Variants in TTC17 observed in about 807,000 individuals in gnomAD.
The protein encoded by TTC17 is tetratricopeptide repeat domain 17, also known as tetratricopeptide repeat protein 17.
In TTC17, 58 loss-of-function variants were observed where a neutral mutation model predicts 143.8. The observed-to-expected ratio is 0.40, with a 90% CI of 0.33 to 0.50. TTC17 has a LOEUF of 0.50. Among genes scored for constraint, TTC17 ranks in the 20% least tolerant of loss-of-function variants. TTC17 has a pLI of 0.49. For missense variants in TTC17, 1,273 were observed against 1,392.5 expected (o/e 0.91, Z 1.37); for synonymous variants, 501 against 497.8 (o/e 1.01, Z -0.09).
chr11:43,378,985 G>A, intron 1 of TTC17: 1 of 426,900 alleles, frequency 2.3e-6, no homozygotes, highest in East Asian at 5.0e-5. Context: ...TATATCACCT[G>A]TAAAGTCAGA....
intron 1 of TTC17, among the ~76,000 whole-genome samples, chr11:43,374,209 C>G (rs1193077461): frequency 6.6e-6 from 1 of 152,188 alleles, no homozygotes; most frequent in African/African-American, 2.4e-5. Flanking sequence ...GCTGGGATGA[C>G]TGGCTAGCCA....
At chr11:43,464,057 C>T (rs940807772) in intron 21 of TTC17, among the ~76,000 whole-genome samples, 5 of 152,070 alleles carry the variant, frequency 3.3e-5, no homozygotes, top group African/African-American at 1.2e-4. Flanking sequence ...GGGTGGATCA[C>T]CTGAGGTCAG....
intron 1 of TTC17, 194 bp from the exon 2 acceptor site, chr11:43,379,039 G>T: frequency 1.8e-6 from 1 of 547,792 alleles, no homozygotes; most frequent in Non-Finnish European, 3.2e-6. Context: ...GAGTTCACAG[G>T]ACAACTGTTG....
intron 11 of TTC17, among the ~76,000 whole-genome samples, chr11:43,404,937 C>T (rs1229368441): frequency 6.6e-6 from 1 of 152,030 alleles, no homozygotes; most frequent in Non-Finnish European, 1.5e-5. Context: ...GTTTTATAGG[C>T]TTATGTATGC....
intron 15 of TTC17, among the ~76,000 whole-genome samples, chr11:43,414,378 A>T (rs1398990574): frequency 6.6e-6 from 1 of 152,128 alleles, no homozygotes; most frequent in Non-Finnish European, 1.5e-5. Context: ...TTTATATTAC[A>T]TACTTTATAT....
chr11:43,436,143 T>C, intron 16 of TTC17: 3 of 1,367,270 alleles, frequency 2.2e-6, no homozygotes, highest in Non-Finnish European at 2.8e-6. Context: ...ATGTGCTATA[T>C]CTGTGTCTCT....
rs200968365 is a variant in TTC17 at position 43,414,705 on chromosome 11, A to C, written c.2180A>C (p.Asn727Thr). The C allele has an allele frequency of 6.2e-7, 1 of 1,613,800 alleles. No homozygotes were observed. The stretch of plus-strand genomic sequence containing the variant: ...ACCACCAAATGTCCAGAGTGTGAAA[A>C]CAGCCTGAAGTTGATCCGCTGTATG... Reference protein sequence around the residue: ...KLTTKCPECENSLKLIRCMQF... With the variant: ...KLTTKCPECETSLKLIRCMQF... The change falls in exon 16 of 24, where the codon AAC becomes ACC. Residue 727 changes from asparagine (N) to threonine (T), a missense_variant. Physicochemically the swap from Asn to Thr is moderately conservative, Grantham distance 65. Transcript: ENST00000039989.
intron 21 of TTC17, among the ~76,000 whole-genome samples, chr11:43,471,369 C>T (rs1242653638): frequency 6.6e-6 from 1 of 152,252 alleles, no homozygotes; most frequent in Admixed American, 6.5e-5. Flanking sequence ...GCTCCACCCA[C>T]TTTGTCCTAT....
At chr11:43,411,571 T>G (rs1203526348) in intron 15 of TTC17, among the ~76,000 whole-genome samples, 1 of 152,218 alleles carries the variant, frequency 6.6e-6, no homozygotes, top group Non-Finnish European at 1.5e-5. Context: ...ATCCTCAATG[T>G]TCAAAACTAT....
At chr11:43,376,041 G>A (rs1307926987) in intron 1 of TTC17, among the ~76,000 whole-genome samples, 1 of 152,096 alleles carries the variant, frequency 6.6e-6, no homozygotes, top group Non-Finnish European at 1.5e-5. Context: ...TATATAATTG[G>A]ATACATGTAC....
At chr11:43,383,413 G>A (rs887071258) in intron 2 of TTC17, among the ~76,000 whole-genome samples, 28 of 152,072 alleles carry the variant, frequency 1.8e-4, no homozygotes, top group African/African-American at 5.3e-4. Context: ...GTGCGATGGC[G>A]CAATCTCAGC....
rs1947654169 is a variant in TTC17, at chr11:43,451,347, A to G, written c.3030+82A>G. ...AAGTTATTTGCTCCTAAGTGTCTGT[A>G]ACCTCTTCTGTTAGTTACTTAGCAC... On this transcript the variant is annotated intron_variant, in intron 21 of 23. Coordinates refer to ENST00000039989, the MANE Select transcript of TTC17 (RefSeq NM_018259.6). The G allele has an allele frequency of 1.1e-5, 14 of 1,233,738 alleles. No individual in the cohort carries two copies. The South Asian group carries it at 1.5e-4, about 13-fold the overall frequency. The allele number at this position is 1,233,738 out of a possible 1,614,324, so 76.4% of individuals were successfully genotyped here. A position where few individuals can be genotyped will look rare whatever the true frequency, so the allele number is the denominator to read the frequency against.
rs754348326 is a variant in TTC17, at chr11:43,391,888, T to C, written c.599T>C (p.Leu200Ser). The change falls in exon 5 of 24, where the codon TTA (leucine) becomes TCA (serine). Residue 200 changes from leucine to serine, a missense_variant. Around this residue, in one of 3 missense-constraint regions of TTC17, gnomAD observed 325 missense variants for 444.2 expected, o/e 0.73. Transcript: ENST00000039989. ...AAAGAAGACCCAATCTTCACATATTTATCTAAACGGTTAGGAAGGAGTATA... is the reference window on the plus strand; with the variant it reads ...AAAGAAGACCCAATCTTCACATATTCATCTAAACGGTTAGGAAGGAGTATA... ...LPKEDPIFTY[L>S]SKRLGRSIDD... 1 of 1,614,002 alleles carries C rather than the reference T, an allele frequency of 6.2e-7. No homozygotes were observed. The highest frequency in any genetic ancestry group is 1.1e-5 in the South Asian group (1 of 91,026).
At chr11:43,368,513 C>G (rs1315121689) in intron 1 of TTC17, among the ~76,000 whole-genome samples, 1 of 152,192 alleles carries the variant, frequency 6.6e-6, no homozygotes, top group Admixed American at 6.5e-5. Flanking sequence ...AGCCCTACTT[C>G]CAGAATGTTT....
At chr11:43,392,054 A>G in intron 5 of TTC17, 102 bp downstream of exon 5, 6 of 1,373,552 alleles carry the variant, frequency 4.4e-6, no homozygotes, top group Middle Eastern at 1.9e-4. Context: ...ATTTGTTTTT[A>G]TCTAGAAGAC....
chr11:43,431,390 C>T (rs921879005), intron 16 of TTC17, among the ~76,000 whole-genome samples: 3 of 152,198 alleles, frequency 2.0e-5, no homozygotes, highest in African/African-American at 7.2e-5. Flanking sequence ...CTCCCACCAA[C>T]AGTGTAAAAG....
chr11:43,379,593 T>G (rs1445815305), intron 2 of TTC17, among the ~76,000 whole-genome samples: 1 of 152,170 alleles, frequency 6.6e-6, no homozygotes, highest in African/African-American at 2.4e-5. Context: ...TGAACAGAAT[T>G]TCTGTGTTTT....
chr11:43,451,557 T>C (rs17509647), intron 21 of TTC17, among the ~76,000 whole-genome samples: 10,686 of 152,260 alleles, frequency 0.07, 566 homozygotes, highest in Non-Finnish European at 0.11. Flanking sequence ...AACCATGGAA[T>C]CTAGGTATAT....
intron 10 of TTC17, among the ~76,000 whole-genome samples, chr11:43,402,260 A>G (rs1401561157): frequency 1.1e-4 from 16 of 152,108 alleles, no homozygotes; most frequent in Non-Finnish European, 2.9e-5. Context: ...TTTTAGAGTA[A>G]GACCTATTTA....
Sources: allele counts gnomAD v4.1 joint callset (sites outside exome capture counted in the v4.1 genomes callset), GRCh38; gene constraint gnomAD v4.1.1; regional missense constraint gnomAD v4.1.1; transcripts MANE v1.5; gene names NCBI Gene and HGNC (gene_info 2026-07-23, HGNC 2026-07-21).